Variants in CNTNAP2 observed in about 807,000 individuals in gnomAD.
CNTNAP2 encodes the protein contactin associated protein 2, also known as contactin-associated protein-like 2.
CNTNAP2 carries 98 observed loss-of-function variants against 155.2 expected under a neutral mutation model. The observed-to-expected ratio is 0.63, with a 90% confidence interval of 0.54 to 0.75. CNTNAP2 has a LOEUF of 0.75. CNTNAP2 is among the 30% of genes least tolerant of loss of function. The probability of loss-of-function intolerance (pLI) is 0.00; values close to 1 mark genes in which losing one functional copy is unlikely to be tolerated. For synonymous variants in CNTNAP2, 651 were observed against 631.2 expected, an observed-to-expected ratio of 1.03 and a Z score of -0.47; for missense variants, 1,727 against 1,688.1, an observed-to-expected ratio of 1.02 and a Z score of -0.40.
intron 10 of CNTNAP2, among the ~76,000 whole-genome samples, chr7:147,429,233 A>G (rs1421706450): frequency 2.0e-5 from 3 of 151,394 alleles, no homozygotes. Context: ...TATTTTTGCA[A>G]TTGCAGATTG....
intron 18 of CNTNAP2, among the ~76,000 whole-genome samples, chr7:148,214,699 T>G (rs1585192577): frequency 1.3e-5 from 2 of 151,978 alleles, no homozygotes; most frequent in Non-Finnish European, 2.9e-5. Flanking sequence ...GCCTCCCGAG[T>G]AGCTAGGACT....
At chr7:146,673,684 A>G (rs1160191978) in intron 1 of CNTNAP2, among the ~76,000 whole-genome samples, 1 of 152,184 alleles carries the variant, frequency 6.6e-6, no homozygotes, top group Non-Finnish European at 1.5e-5. Context: ...CGTTTTCTCT[A>G]TGTAGCTTTC....
chr7:147,615,514 G>A (rs1256646107), intron 12 of CNTNAP2, among the ~76,000 whole-genome samples: 1 of 151,860 alleles, frequency 6.6e-6, no homozygotes, highest in Non-Finnish European at 1.5e-5. Context: ...TATAACTGAG[G>A]CAGTACAATG....
intron 13 of CNTNAP2, among the ~76,000 whole-genome samples, chr7:147,664,256 G>A (rs778081241): frequency 2.6e-5 from 4 of 152,104 alleles, no homozygotes; most frequent in Non-Finnish European, 4.4e-5. Flanking sequence ...TGTTCATCTC[G>A]CCCCTAAGAA....
intron 10 of CNTNAP2, among the ~76,000 whole-genome samples, chr7:147,413,847 T>G (rs2116493174): frequency 6.6e-6 from 1 of 152,246 alleles, no homozygotes; most frequent in South Asian, 2.1e-4. Flanking sequence ...ACAAAAAAGA[T>G]CAGTGATGTG....
At chr7:148,107,982 C>T (rs1804260725) in intron 15 of CNTNAP2, among the ~76,000 whole-genome samples, 1 of 152,206 alleles carries the variant, frequency 6.6e-6, no homozygotes, top group African/African-American at 2.4e-5. Flanking sequence ...AGCGACACTC[C>T]TCACCAAACT....
rs1329491039 is a variant in CNTNAP2, at chr7:147,434,361, G to A, written c.1670+38581G>A. On this transcript the variant is annotated intron_variant, in intron 10 of 23. Coordinates refer to ENST00000361727, the MANE Select transcript of CNTNAP2 (RefSeq NM_014141.6). The stretch of plus-strand genomic sequence containing the variant: ...CTCACGTTTGTAGTGTATTTCTAAA[G>A]GCCTCTCCAGGATTATTTCAAAATC... Among the ~76,000 whole-genome samples the A allele has an allele frequency of 3.3e-5, 5 of 152,048 alleles. No individual in the cohort carries two copies. The South Asian group carries it at 8.3e-4, about 25-fold the overall frequency.
At chr7:148,263,686 G>C (rs1484738327) in intron 20 of CNTNAP2, among the ~76,000 whole-genome samples, 2 of 150,644 alleles carry the variant, frequency 1.3e-5, no homozygotes, top group African/African-American at 4.9e-5. Context: ...GCAGTGAACC[G>C]AGATGGTGCC....
At chr7:146,336,712 A>G (rs1172209681) in intron 1 of CNTNAP2, among the ~76,000 whole-genome samples, 1 of 152,228 alleles carries the variant, frequency 6.6e-6, no homozygotes, top group African/African-American at 2.4e-5. Context: ...ATAGTTAAAC[A>G]GGTTGTGGTA....
chr7:146,608,869 A>C (rs1181705493), intron 1 of CNTNAP2, among the ~76,000 whole-genome samples: 4 of 152,072 alleles, frequency 2.6e-5, no homozygotes, highest in Non-Finnish European at 5.9e-5. Flanking sequence ...TGTAGTGTAC[A>C]TACCTCTTAC....
At chr7:147,070,385 A>C (rs1287028819) in intron 4 of CNTNAP2, among the ~76,000 whole-genome samples, 4 of 152,314 alleles carry the variant, frequency 2.6e-5, no homozygotes, top group South Asian at 2.1e-4. Flanking sequence ...TGTAGCCAAA[A>C]CCACATATGG....
chr7:148,090,645 G>A (rs1260250386), intron 15 of CNTNAP2, among the ~76,000 whole-genome samples: 2 of 152,072 alleles, frequency 1.3e-5, no homozygotes, highest in African/African-American at 2.4e-5. Context: ...CACATTGTTG[G>A]TAGAAATGTA....
At chr7:147,112,794 G>A (rs752923174) in intron 5 of CNTNAP2, among the ~76,000 whole-genome samples, 1 of 152,012 alleles carries the variant, frequency 6.6e-6, no homozygotes, top group Non-Finnish European at 1.5e-5. Flanking sequence ...AAGCATTTTT[G>A]CATAGATGTT....
At chr7:146,266,577 T>C (rs1249994402) in intron 1 of CNTNAP2, among the ~76,000 whole-genome samples, 2 of 152,162 alleles carry the variant, frequency 1.3e-5, no homozygotes, top group Non-Finnish European at 2.9e-5. Flanking sequence ...TTATAAGCTG[T>C]ATTCATAAGT....
intron 21 of CNTNAP2, among the ~76,000 whole-genome samples, chr7:148,282,045 G>A (rs182189176): frequency 6.6e-6 from 1 of 151,810 alleles, no homozygotes; most frequent in African/African-American, 2.4e-5. Flanking sequence ...GGATGGTCTC[G>A]ATCTCCTGAC....
At chr7:148,120,776 C>T (rs1464491651) in intron 16 of CNTNAP2, among the ~76,000 whole-genome samples, 1 of 152,128 alleles carries the variant, frequency 6.6e-6, no homozygotes, top group African/African-American at 2.4e-5. Flanking sequence ...TCCCTCAGAG[C>T]CCCCTGTATC....
At chr7:147,116,744 C>G (rs544227893) in intron 5 of CNTNAP2, among the ~76,000 whole-genome samples, 22 of 152,062 alleles carry the variant, frequency 1.4e-4, no homozygotes, top group Admixed American at 1.3e-4. Flanking sequence ...TAGAAAATAG[C>G]TCTGTCATGC....
chr7:148,106,493 G>GATAGATAGATAGATATATATATATAT lies in CNTNAP2; in HGVS notation c.2384-11622_2384-11621insGATAGATAGATATATATATATATATA, dbSNP rs1490418389. 8.2e-4 allele frequency among the ~76,000 whole-genome samples: 103 copies of GATAGATAGATAGATATATATATATAT among 124,908 alleles called. 2 individuals carry two copies. Among genetic ancestry groups the GATAGATAGATAGATATATATATATAT allele is most frequent in the African/African-American group, 3.3e-3 (97 of 28,990 alleles). 81.9% of individuals were successfully genotyped at this position (124,908 alleles called of 152,430 possible). ...CACTTCAGTGTACTGCACACTTTGA[G>GATAGATAGATAGATATATATATATAT]ATATATATATATATATATATATATA... On this transcript the variant is annotated intron_variant, in intron 15 of 23. Coordinates refer to ENST00000361727, the MANE Select transcript of CNTNAP2 (RefSeq NM_014141.6).
rs182679714 is a variant in CNTNAP2 at position 147,942,504 on chromosome 7, G to A, written c.2256-35358G>A. On this transcript the variant is annotated intron_variant, in intron 14 of 23. Coordinates refer to ENST00000361727, the MANE Select transcript of CNTNAP2 (RefSeq NM_014141.6). Reference sequence around the variant, plus strand: ...CCTGATTTTTTAATATTCGTAGGAAGCCTGTTCATGATATTCCAGTCAACT... The same window carrying A: ...CCTGATTTTTTAATATTCGTAGGAAACCTGTTCATGATATTCCAGTCAACT... 3.9e-5 allele frequency among the ~76,000 whole-genome samples: 6 copies of A among 152,258 alleles called. No individual in the cohort carries two copies. In the South Asian group the frequency reaches 1.0e-3, roughly 26 times the overall value.
Sources: gnomAD v4.1 joint callset for allele counts (sites outside exome capture counted in the v4.1 genomes callset) on GRCh38, gnomAD v4.1.1 for gene constraint, MANE v1.5 for transcripts, NCBI Gene and HGNC (gene_info 2026-07-23, HGNC 2026-07-21) for gene names.